Variants in MIGA2 observed in about 807,000 individuals in gnomAD.
The protein encoded by MIGA2 is mitoguardin 2.
In MIGA2, 36 loss-of-function variants were observed where a neutral mutation model predicts 69.9. That is an observed-to-expected ratio of 0.52 (90% confidence interval 0.39 to 0.68). The LOEUF is 0.68. Among genes scored for constraint, MIGA2 ranks in the 30% least tolerant of loss-of-function variants. MIGA2 has a pLI of 0.00. For missense variants in MIGA2, 660 were observed against 787.7 expected (o/e 0.84, Z 1.94); for synonymous variants, 333 against 349.2 (o/e 0.95, Z 0.52).
rs1588421042 is a variant in MIGA2, at chr9:129,069,356, G to C, written c.1458+227G>C. On this transcript the variant is annotated intron_variant, in intron 14 of 15. Coordinates refer to ENST00000684074, the MANE Select transcript of MIGA2 (RefSeq NM_001329990.2). This position sits in a 1 kb window ranked among gnomAD's most constrained non-coding sequence, Gnocchi z 4.9. ...CAGCACAGAGCAGGCCACTGGGGAG[G>C]GGAACGGATACCCTAGGGTAGTGGC... 8.3e-6 allele frequency: 5 copies of C among 602,768 alleles called. No individual in the cohort carries two copies. The East Asian group carries it at 1.4e-4, about 17-fold the overall frequency. 37.3% of individuals were successfully genotyped at this position (602,768 alleles called of 1,614,324 possible). A position where few individuals can be genotyped will look rare whatever the true frequency, so the allele number is the denominator to read the frequency against.
chr9:129,037,515 C>T (rs1284259554), intron 1 of MIGA2, among the ~76,000 whole-genome samples: 1 of 151,962 alleles, frequency 6.6e-6, no homozygotes, highest in Non-Finnish European at 1.5e-5. Context: ...CAGCTTAGGC[C>T]CTGGAGGACG....
At position 129,070,540 on chromosome 9, in the gene MIGA2, G is replaced by A. The variant is rs973639325; in HGVS notation, c.*87G>A. ...CTGACAGCTGTGGTGGCTGAGGGCC[G>A]TTGCCCCTGACTTTGCCCCACCCCC... is the stretch of plus-strand genomic sequence containing the variant. On this transcript the variant is annotated 3_prime_UTR_variant, in exon 16 of 16. Transcript: ENST00000684074. 1.0e-5 allele frequency: 14 copies of A among 1,386,772 alleles called. No homozygotes were observed. Among genetic ancestry groups the A allele is most frequent in the Middle Eastern group, 2.6e-4 (1 of 3,840 alleles). 85.9% of individuals were successfully genotyped at this position (1,386,772 alleles called of 1,614,324 possible). A position where few individuals can be genotyped will look rare whatever the true frequency, so the allele number is the denominator to read the frequency against.
chr9:129,048,422 C>A lies in MIGA2; in HGVS notation c.308-5C>A. On this transcript the variant is annotated splice_region_variant and splice_polypyrimidine_tract_variant and intron_variant, in intron 3 of 15. Coordinates refer to ENST00000684074, the MANE Select transcript of MIGA2 (RefSeq NM_001329990.2). ...GTGTGACGCCTGCCCTTCTGCTCCT[C>A]ACAGGATACTCCAGCCGGAGAGTCC... The A allele has an allele frequency of 6.2e-7, 1 of 1,613,362 alleles. No individual in the cohort carries two copies. The highest frequency in any genetic ancestry group is 8.5e-7 in the Non-Finnish European group (1 of 1,179,384).
At chr9:129,042,272 G>A (rs1228082594) in intron 2 of MIGA2, 32 bp from the exon 3 acceptor site, 2 of 1,607,220 alleles carry the variant, frequency 1.2e-6, no homozygotes, top group Admixed American at 1.7e-5. Context: ...CCCCAGGGAG[G>A]TGTAACCGGC....
rs368121881 is a variant in MIGA2, at chr9:129,057,078, G to A, written c.676-2076G>A. 3.0e-4 allele frequency among the ~76,000 whole-genome samples: 46 copies of A among 151,948 alleles called. 1 individual carries two copies. Among genetic ancestry groups the A allele is most frequent in the African/African-American group, 1.1e-3 (45 of 41,488 alleles). ...GACAGTCCTGATGAAAATCCTGACT[G>A]CATTTGCAAAAAACAGTAGAGTTAG... On this transcript the variant is annotated intron_variant, in intron 6 of 15. Transcript: ENST00000684074.
Position 129,069,196 on chromosome 9 carries a change from G to A in MIGA2, c.1458+67G>A, listed in dbSNP as rs1045642904. The A allele has an allele frequency of 2.4e-5, 39 of 1,600,364 alleles. No individual in the cohort carries two copies. The highest frequency in any genetic ancestry group is 9.9e-5 in the South Asian group (9 of 90,838). On this transcript the variant is annotated intron_variant, in intron 14 of 15. Transcript: ENST00000684074. The surrounding 1 kb of genome is among the most constrained non-coding windows in gnomAD (Gnocchi z 4.9). ...GAGGCAGCGTGGTGGGGAGCGGAGC[G>A]GGTGCAGGGTGGCTCGCTGGGCCAC...
At chr9:129,063,098 C>G in intron 9 of MIGA2, 146 bp from the exon 10 acceptor site, 1 of 740,368 alleles carries the variant, frequency 1.4e-6, no homozygotes, top group Non-Finnish European at 2.2e-6. Context: ...GGGAGGCAGA[C>G]GCCAGCCAGA....
chr9:129,065,989 C>G (rs1846320517), intron 11 of MIGA2, among the ~76,000 whole-genome samples: 1 of 152,246 alleles, frequency 6.6e-6, no homozygotes, highest in Admixed American at 6.5e-5. Context: ...ATGTGTGCCC[C>G]ATCCAGGGCC....
intron 3 of MIGA2, among the ~76,000 whole-genome samples, chr9:129,044,745 G>T (rs1029967890): frequency 6.6e-6 from 1 of 151,832 alleles, no homozygotes; most frequent in Non-Finnish European, 1.5e-5. Flanking sequence ...TAGGGATGGG[G>T]TTTCACCATG....
In MIGA2 at chr9:129,070,497, C is replaced by T; in HGVS notation, c.*44C>T. The T allele has an allele frequency of 4.8e-6, 7 of 1,471,990 alleles. No homozygotes were observed. Among genetic ancestry groups the T allele is most frequent in the Non-Finnish European group, 6.3e-6 (7 of 1,109,586 alleles). 91.2% of individuals were successfully genotyped at this position (1,471,990 alleles called of 1,614,324 possible). The stretch of plus-strand genomic sequence containing the variant: ...GGTGGCAGAGAGAAGGCTCCTCCTC[C>T]CTTCCCTGGGTTGGTATCTGACAGC... On this transcript the variant is annotated 3_prime_UTR_variant, in exon 16 of 16. Coordinates refer to ENST00000684074, the MANE Select transcript of MIGA2 (RefSeq NM_001329990.2).
rs1297770577 is a variant in MIGA2 at position 129,070,761 on chromosome 9, CTGCTGACAAGGG to C, written c.*314_*325del. The C allele has an allele frequency of 4.8e-6, 2 of 419,218 alleles. No individual in the cohort carries two copies. Among genetic ancestry groups the C allele is most frequent in the Admixed American group, 3.8e-5 (1 of 26,394 alleles). 26.0% of individuals were successfully genotyped at this position (419,218 alleles called of 1,614,324 possible). ...CCCAAAACCTCCCATCGCTCCAGGGCTGCTGACAAGGGTGCTGGGAGGGTGGAGGTGAAGGAT... is the reference window on the plus strand; with the variant it reads ...CCCAAAACCTCCCATCGCTCCAGGGCTGCTGGGAGGGTGGAGGTGAAGGAT... On this transcript the variant is annotated 3_prime_UTR_variant, in exon 16 of 16. Coordinates refer to ENST00000684074, the MANE Select transcript of MIGA2 (RefSeq NM_001329990.2).
Position 129,061,278 on chromosome 9 carries a change from A to G in MIGA2, c.942A>G (p.Arg314=), listed in dbSNP as rs769808240. The G allele has an allele frequency of 1.3e-6, 2 of 1,539,838 alleles. No individual in the cohort carries two copies. Among genetic ancestry groups the G allele is most frequent in the African/African-American group, 2.8e-5 (2 of 72,170 alleles). Residue 314 remains arginine (R), a synonymous_variant, in exon 9 of 16, where the codon AGA becomes AGG. Coordinates refer to ENST00000684074, the MANE Select transcript of MIGA2 (RefSeq NM_001329990.2). This position sits in a 1 kb window ranked among gnomAD's most constrained non-coding sequence, Gnocchi z 5.0. ...GAGATTACCCGATCCCACTCTCCAG[A>G]CCCGCCGCTGCCTATGAGGAGGCCC... ...QTGDYPIPLS[R]PAAAYEEALQ... is the part of the protein sequence containing the mutation.
chr9:129,045,756 G>A (rs1350016525), intron 3 of MIGA2, among the ~76,000 whole-genome samples: 1 of 151,750 alleles, frequency 6.6e-6, no homozygotes, highest in Non-Finnish European at 1.5e-5. Context: ...AAAAAAATAA[G>A]AAGCAAAAGT....
At chr9:129,042,759 AC>A (rs374751123) in intron 3 of MIGA2, among the ~76,000 whole-genome samples, 2 of 151,008 alleles carry the variant, frequency 1.3e-5, no homozygotes, top group African/African-American at 4.9e-5. Flanking sequence ...TTAGCTGAGG[AC>A]CCTTTGGGAG....
At chr9:129,040,961 CG>C (rs1274158197) in intron 2 of MIGA2, among the ~76,000 whole-genome samples, 1 of 152,088 alleles carries the variant, frequency 6.6e-6, no homozygotes, top group East Asian at 1.9e-4. Flanking sequence ...GAGGCCGGGA[CG>C]GGCGGATCAC....
At chr9:129,043,086 C>T (rs1845004310) in intron 3 of MIGA2, among the ~76,000 whole-genome samples, 1 of 151,752 alleles carries the variant, frequency 6.6e-6, no homozygotes, top group Non-Finnish European at 1.5e-5. Context: ...CCCAGCTACT[C>T]AGGAGGCTGA....
chr9:129,069,430 TAC>T lies in MIGA2; in HGVS notation c.1458+302_1458+303del. ...TGCAGGCGTCTCGGTGGGGGCAGGA[TAC>T]CCAGGAGCAAGCAGAGCCCTGTCCC... On this transcript the variant is annotated intron_variant, in intron 14 of 15. Coordinates refer to ENST00000684074, the MANE Select transcript of MIGA2 (RefSeq NM_001329990.2). The surrounding 1 kb of genome is among the most constrained non-coding windows in gnomAD (Gnocchi z 4.9). The T allele has an allele frequency of 1.1e-5, 6 of 539,958 alleles. No homozygotes were observed. The highest frequency in any genetic ancestry group is 3.2e-5 in the East Asian group (1 of 31,470). 33.4% of individuals were successfully genotyped at this position (539,958 alleles called of 1,614,324 possible).
chr9:129,060,079 C>T lies in MIGA2; in HGVS notation c.794-471C>T, dbSNP rs1310051230. Among the ~76,000 whole-genome samples, 5 of 152,214 alleles carry T rather than the reference C, an allele frequency of 3.3e-5. No homozygotes were observed. The highest frequency in any genetic ancestry group is 1.2e-4 in the African/African-American group (5 of 41,464). On this transcript the variant is annotated intron_variant, in intron 7 of 15. Transcript: ENST00000684074. The surrounding 1 kb of genome is among the most constrained non-coding windows in gnomAD (Gnocchi z 4.8). ...TTTCCTGAGCACCCTTGGAGGTCCA[C>T]ACCCCTCAGCCCTTGGGCGAGCACG... is the stretch of plus-strand genomic sequence containing the variant.
At chr9:129,055,729 G>A (rs1406568347) in intron 6 of MIGA2, among the ~76,000 whole-genome samples, 3 of 151,836 alleles carry the variant, frequency 2.0e-5, no homozygotes, top group Non-Finnish European at 4.4e-5. Context: ...GGCACCTGTA[G>A]TCCCAGCTAC....
Sources: gnomAD v4.1 joint callset for allele counts (sites outside exome capture counted in the v4.1 genomes callset) on GRCh38, gnomAD v4.1.1 for gene constraint, Gnocchi (gnomAD v3.1) non-coding constraint, MANE v1.5 for transcripts, NCBI Gene and HGNC (gene_info 2026-07-23, HGNC 2026-07-21) for gene names.